The following ZNF787 variants were observed in gnomAD, a reference collection of about 807,000 sequenced individuals.
ZNF787 encodes the protein zinc finger protein 787, also known as TTF-I-interacting peptide 20.
ZNF787 carries 7 observed loss-of-function variants against 16.9 expected under a neutral mutation model. That is an observed-to-expected ratio of 0.42 (90% CI 0.24 to 0.78). The LOEUF (loss-of-function observed/expected upper bound fraction) is 0.78, where lower values mean the gene tolerates loss of function less well. Among genes scored for constraint, ZNF787 ranks in the 30% least tolerant of loss-of-function variants. ZNF787 has a pLI of 0.30. For missense variants in ZNF787, 551 were observed against 589.3 expected (o/e 0.94, Z 0.67); for synonymous variants, 345 against 270.9 (o/e 1.27, Z -2.69).
rs1244273889 is a variant in ZNF787 at position 56,088,404 on chromosome 19, C to T, written c.768G>A (p.Ala256=). The change falls in exon 3 of 3, where the codon GCG becomes GCA. Residue 256 remains alanine, a synonymous_variant. Transcript: ENST00000610935. The surrounding 1 kb of genome is among the most constrained non-coding windows in gnomAD (Gnocchi z 8.6). ...TTGCCCCCGCGCCCGCCATGGCTGC[C>T]GCGGCCGCGGCCCCCTCGCCCGGCG... The part of the protein sequence containing the change: ...VGAPGEGAAA[A]AAMAGAGAKA... 8.1e-6 allele frequency: 9 copies of T among 1,109,694 alleles called. No individual in the cohort carries two copies. The highest frequency in any genetic ancestry group is 7.7e-6 in the Non-Finnish European group (7 of 910,610). The allele number at this position is 1,109,694 out of a possible 1,614,324, so 68.7% of individuals were successfully genotyped here.
In ZNF787 at chr19:56,088,066, G is replaced by T; in HGVS notation, c.1106C>A (p.Ala369Glu). 1 of 1,226,344 alleles carries T rather than the reference G, an allele frequency of 8.2e-7. No individual in the cohort carries two copies. The allele number at this position is 1,226,344 out of a possible 1,614,324, so 76.0% of individuals were successfully genotyped here. Residue 369 changes from alanine (A) to glutamate (E), a missense_variant, in exon 3 of 3, where the codon GCG (alanine) becomes GAG (glutamate). Coordinates refer to ENST00000610935, the MANE Select transcript of ZNF787 (RefSeq NM_001002836.4). This position sits in a 1 kb window ranked among gnomAD's most constrained non-coding sequence, Gnocchi z 8.6. ...GEEEDDDDEA[A>E]GGRCPECRGG... The stretch of plus-strand genomic sequence containing the variant: ...GCGGCACTCGGGGCACCGCCCGCCC[G>T]CGGCCTCGTCGTCGTCGTCCTCCTC...
At chr19:56,109,648 C>T (rs2029921995) in intron 1 of ZNF787, among the ~76,000 whole-genome samples, 1 of 152,220 alleles carries the variant, frequency 6.6e-6, no homozygotes, top group Non-Finnish European at 1.5e-5. Flanking sequence ...AATCCCAGCA[C>T]ACTGGGAGGC....
intron 1 of ZNF787, among the ~76,000 whole-genome samples, chr19:56,108,707 A>AC (rs2029895663): frequency 6.6e-6 from 1 of 152,046 alleles, no homozygotes. Context: ...CAGGCTTAAG[A>AC]CCAGACACAG....
intron 1 of ZNF787, among the ~76,000 whole-genome samples, chr19:56,104,520 T>C (rs946065380): frequency 1.3e-5 from 2 of 149,266 alleles, no homozygotes; most frequent in African/African-American, 2.5e-5. Flanking sequence ...TGAGGGTCTC[T>C]ACACACGCCA....
At chr19:56,096,030 G>C (rs773405611) in intron 2 of ZNF787, among the ~76,000 whole-genome samples, 32 of 152,076 alleles carry the variant, frequency 2.1e-4, no homozygotes, top group Non-Finnish European at 3.2e-4. Flanking sequence ...CCTGGTTGCC[G>C]TGTTTTTATG....
At chr19:56,106,216 C>T (rs924327449) in intron 1 of ZNF787, among the ~76,000 whole-genome samples, 20 of 152,220 alleles carry the variant, frequency 1.3e-4, no homozygotes, top group Non-Finnish European at 2.1e-4. Flanking sequence ...AGCATCTGTT[C>T]CTGCGTGTCT....
intron 1 of ZNF787, among the ~76,000 whole-genome samples, chr19:56,116,364 C>A (rs576727272): frequency 1.3e-5 from 2 of 152,046 alleles, no homozygotes; most frequent in Non-Finnish European, 2.9e-5. Flanking sequence ...ATGGCATAAA[C>A]CCAGGAGGCG....
intron 2 of ZNF787, 21 bp downstream of exon 2, chr19:56,103,118 G>A (rs1391241307): frequency 3.1e-6 from 5 of 1,612,600 alleles, no homozygotes; most frequent in Admixed American, 3.3e-5. Flanking sequence ...GGGTCGGCTG[G>A]GAAGGCCTCT....
At chr19:56,115,013 G>A (rs1486167544) in intron 1 of ZNF787, among the ~76,000 whole-genome samples, 3 of 152,044 alleles carry the variant, frequency 2.0e-5, no homozygotes, top group East Asian at 3.9e-4. Context: ...CTGCACCTCC[G>A]CCTGGATCTG....
intron 2 of ZNF787, among the ~76,000 whole-genome samples, chr19:56,094,677 C>T (rs935794861): frequency 2.6e-5 from 4 of 152,170 alleles, no homozygotes; most frequent in African/African-American, 9.7e-5. Context: ...TGCCTCAGCT[C>T]GTTCACAATC....
chr19:56,115,230 C>A (rs2030096366), intron 1 of ZNF787, among the ~76,000 whole-genome samples: 1 of 152,128 alleles, frequency 6.6e-6, no homozygotes, highest in East Asian at 1.9e-4. Flanking sequence ...TGGCAGATCA[C>A]ATTCTCCTAG....
rs753941196 is a variant in ZNF787, at chr19:56,088,175, G to A, written c.997C>T (p.Arg333Trp). 9 of 1,549,066 alleles carry A rather than the reference G, an allele frequency of 5.8e-6. No individual in the cohort carries two copies. The highest frequency in any genetic ancestry group is 2.9e-5 in the African/African-American group (2 of 69,898). Reference sequence around the variant, plus strand: ...ACCGCGTGGATCTTCTTGTGTCTCCGGAGCGCGGCGCCCTGCACGAAGCCC... The same window carrying A: ...ACCGCGTGGATCTTCTTGTGTCTCCAGAGCGCGGCGCCCTGCACGAAGCCC... Reference protein sequence around the residue: ...GEGFVQGAALRRHKKIHAVGA... With the variant: ...GEGFVQGAALWRHKKIHAVGA... Residue 333 changes from arginine to tryptophan, a missense_variant, in exon 3 of 3, where the codon CGG (arginine) becomes TGG (tryptophan). By Grantham distance (101) the Arg-to-Trp change is moderately radical. This residue lies in a region of ZNF787 where 392 missense variants were observed against 312.7 expected (regional missense o/e 1.25). Coordinates refer to ENST00000610935, the MANE Select transcript of ZNF787 (RefSeq NM_001002836.4). This position sits in a 1 kb window ranked among gnomAD's most constrained non-coding sequence, Gnocchi z 8.6.
intron 1 of ZNF787, among the ~76,000 whole-genome samples, chr19:56,113,970 C>T (rs982558582): frequency 5.9e-5 from 9 of 152,188 alleles, no homozygotes; most frequent in Admixed American, 4.6e-4. Context: ...GCTGGGACTA[C>T]AAGCGCTGAA....
intron 2 of ZNF787, chr19:56,102,888 A>C (rs1183277384): frequency 1.4e-6 from 1 of 703,228 alleles, no homozygotes; most frequent in Non-Finnish European, 2.6e-6. Flanking sequence ...AGAGGAAGTC[A>C]GGCAGAGAAG....
At position 56,103,151 on chromosome 19, in the gene ZNF787, G is replaced by A; in HGVS notation, c.67C>T (p.His23Tyr). The part of the protein sequence containing the change: ...LDSEDQQMAS[H>Y]ENPVDILIMD... ...TCTGGCTGCTCACCTGGGTTCTCGT[G>A]ACTGGCCATCTGCTGGTCCTCAGAA... Residue 23 changes from histidine to tyrosine, a missense_variant, in exon 2 of 3, where the codon CAC (histidine) becomes TAC (tyrosine). Physicochemically the swap from His to Tyr is moderately conservative, Grantham distance 83 (BLOSUM62 2). Transcript: ENST00000610935. 4 of 1,606,422 alleles carry A rather than the reference G, an allele frequency of 2.5e-6. No homozygotes were observed. Among genetic ancestry groups the A allele is most frequent in the South Asian group, 1.1e-5 (1 of 90,280 alleles).
intron 1 of ZNF787, among the ~76,000 whole-genome samples, chr19:56,117,055 T>C (rs2030157124): frequency 6.6e-6 from 1 of 152,158 alleles, no homozygotes; most frequent in African/African-American, 2.4e-5. Flanking sequence ...GGGTGGGATC[T>C]GGCCCCCCAG....
chr19:56,088,262 CGTGCTGGGCCCGCTG>C lies in ZNF787; in HGVS notation c.895_909del (p.Gln299_His303del). On this transcript the variant is annotated inframe_deletion, in exon 3 of 3. Transcript: ENST00000610935. The surrounding 1 kb of genome is among the most constrained non-coding windows in gnomAD (Gnocchi z 8.6). ...CCCCCCGCCGCCCCGAGCCCGTCCC[CGTGCTGGGCCCGCTG>C]GTGCGCCAGGAGCCCGGCCCCGTGC... 7.0e-7 allele frequency: 1 copy of C among 1,438,134 alleles called. No homozygotes were observed. Among genetic ancestry groups the C allele is most frequent in the Non-Finnish European group, 9.1e-7 (1 of 1,098,758 alleles). The allele number at this position is 1,438,134 out of a possible 1,614,324, so 89.1% of individuals were successfully genotyped here. A position where few individuals can be genotyped will look rare whatever the true frequency, so the allele number is the denominator to read the frequency against.
intron 1 of ZNF787, among the ~76,000 whole-genome samples, chr19:56,107,031 G>T (rs1003834710): frequency 6.6e-6 from 1 of 152,172 alleles, no homozygotes; most frequent in Non-Finnish European, 1.5e-5. Flanking sequence ...GGACGTGCCT[G>T]TTTAAATAAA....
At chr19:56,091,184 G>A (rs1387145011) in intron 2 of ZNF787, among the ~76,000 whole-genome samples, 1 of 152,236 alleles carries the variant, frequency 6.6e-6, no homozygotes. Flanking sequence ...GAAGGGGACA[G>A]AAAGGGACGG....
Sources: allele counts gnomAD v4.1 joint callset (sites outside exome capture counted in the v4.1 genomes callset), GRCh38; gene constraint gnomAD v4.1.1; regional missense constraint gnomAD v4.1.1; non-coding constraint Gnocchi (gnomAD v3.1); transcripts MANE v1.5; gene names NCBI Gene and HGNC (gene_info 2026-07-23, HGNC 2026-07-21).